The following SETD1B variants were observed in gnomAD, a reference collection of about 807,000 sequenced individuals.
SETD1B encodes the protein histone-lysine N-methyltransferase SETD1B.
Under a neutral mutation model 148.0 loss-of-function variants are expected in SETD1B, and 7 were observed. That is an observed-to-expected ratio of 0.05 (90% confidence interval 0.03 to 0.09). The LOEUF (loss-of-function observed/expected upper bound fraction) is 0.09. Among genes scored for constraint, SETD1B ranks in the 10% least tolerant of loss-of-function variants. SETD1B has a pLI of 1.00. For synonymous variants in SETD1B, 1,361 were observed against 1,186.5 expected, an observed-to-expected ratio of 1.15 and a Z score of -3.02; for missense variants, 2,155 against 2,729.9, an observed-to-expected ratio of 0.79 and a Z score of 4.69.
rs374996014 is a variant in SETD1B, at chr12:121,817,539, G to A, written c.3147G>A (p.Ala1049=). Residue 1049 remains alanine (A), a synonymous_variant, in exon 9 of 17, where the codon GCG becomes GCA. Transcript: ENST00000604567. The surrounding 1 kb of genome is among the most constrained non-coding windows in gnomAD (Gnocchi z 8.1). ...ESLSASSSSS[A]SSSSGSSTTS... is the part of the protein sequence containing the mutation. ...TGTCGGCGTCCTCGTCCTCATCCGC[G>A]TCATCATCCTCGGGGTCCTCAACCA... The A allele has an allele frequency of 4.2e-4, 655 of 1,551,442 alleles. No homozygotes were observed. Among genetic ancestry groups the A allele is most frequent in the Non-Finnish European group, 5.2e-4 (597 of 1,146,950 alleles).
Position 121,810,271 on chromosome 12 carries a change from T to C in SETD1B, c.1326T>C (p.Pro442=). The change falls in exon 6 of 17, where the codon CCT becomes CCC. Residue 442 remains proline, a synonymous_variant. Coordinates refer to ENST00000604567, the MANE Select transcript of SETD1B (RefSeq NM_001353345.2). The surrounding 1 kb of genome is among the most constrained non-coding windows in gnomAD (Gnocchi z 7.6). ...PAPPPLPPAE[P]LAKEKPGTPP... ...CCCCACCCCTGCCACCTGCTGAGCC[T>C]CTGGCCAAGGAGAAGCCAGGCACGC... 6.5e-7 allele frequency: 1 copy of C among 1,544,240 alleles called. No individual in the cohort carries two copies. Among genetic ancestry groups the C allele is most frequent in the Non-Finnish European group, 8.7e-7 (1 of 1,146,654 alleles).
At position 121,814,159 on chromosome 12, in the gene SETD1B, G is replaced by A. The variant is rs567239148; in HGVS notation, c.1944G>A (p.Ser648=). The change falls in exon 7 of 17, where the codon TCG becomes TCA. Residue 648 remains serine, a synonymous_variant. Coordinates refer to ENST00000604567, the MANE Select transcript of SETD1B (RefSeq NM_001353345.2). ...DMEISDDEMP[S]APITSADCPK... Reference sequence around the variant, plus strand: ...AGATCTCGGATGACGAGATGCCCTCGGCCCCCATCACCAGCGCTGACTGCC... The same window carrying A: ...AGATCTCGGATGACGAGATGCCCTCAGCCCCCATCACCAGCGCTGACTGCC... The A allele has an allele frequency of 1.7e-5, 27 of 1,547,976 alleles. No homozygotes were observed. In the African/African-American group the frequency reaches 3.2e-4, roughly 18 times the overall value.
At chr12:121,815,377 A>G (rs1287322599) in intron 7 of SETD1B, among the ~76,000 whole-genome samples, 2 of 146,988 alleles carry the variant, frequency 1.4e-5, no homozygotes, top group Non-Finnish European at 3.0e-5. Flanking sequence ...GTGGTAGTAC[A>G]CAGGATAGCT....
In SETD1B at chr12:121,817,631, C is replaced by A. The variant is rs767661750; in HGVS notation, c.3239C>A (p.Ala1080Glu). 9.0e-6 allele frequency: 14 copies of A among 1,548,484 alleles called. No individual in the cohort carries two copies. The highest frequency in any genetic ancestry group is 6.0e-5 in the South Asian group (5 of 83,932). Residue 1080 changes from alanine (A) to glutamate (E), a missense_variant, in exon 9 of 17, where the codon GCG becomes GAG. Ala to Glu is a moderately radical substitution (Grantham distance 107). Transcript: ENST00000604567. The surrounding 1 kb of genome is among the most constrained non-coding windows in gnomAD (Gnocchi z 8.1). Reference protein sequence around the residue: ...EQESTEEEEEAEEEEEEEVPR... With the variant: ...EQESTEEEEEEEEEEEEEVPR... ...GAGAGCACCGAGGAGGAAGAGGAGG[C>A]GGAGGAGGAGGAGGAGGAGGAAGTC...
Position 121,830,373 on chromosome 12 carries a change from G to T in SETD1B, c.*134G>T, listed in dbSNP as rs1488044070. On this transcript the variant is annotated 3_prime_UTR_variant, in exon 17 of 17. Transcript: ENST00000604567. The surrounding 1 kb of genome is among the most constrained non-coding windows in gnomAD (Gnocchi z 5.7). ...GTCCTCTACCCAGCGGCCATTCAGG[G>T]CCTGGCGCCCCACACTACCCCCTGG... The T allele has an allele frequency of 2.4e-6, 2 of 835,884 alleles. No homozygotes were observed. The highest frequency in any genetic ancestry group is 1.7e-5 in the African/African-American group (1 of 57,716). The allele number at this position is 835,884 out of a possible 1,614,324, so 51.8% of individuals were successfully genotyped here.
At chr12:121,825,647 G>GT (rs370480791) in intron 13 of SETD1B, among the ~76,000 whole-genome samples, 64 of 147,510 alleles carry the variant, frequency 4.3e-4, no homozygotes, top group East Asian at 2.2e-3. Flanking sequence ...TTTTGCTTGG[G>GT]TTTTTTTTTT....
chr12:121,793,379 GCC>G, the SETD1B span: 3 of 1,447,660 alleles, frequency 2.1e-6, no homozygotes, highest in Non-Finnish European at 2.8e-6. Flanking sequence ...CCGAGGGGGC[GCC>G]CCGGGGTGGC....
chr12:121,802,049 C>G (rs957137562), upstream of SETD1B: 1 of 152,192 alleles, frequency 6.6e-6, no homozygotes, highest in Non-Finnish European at 1.5e-5. Flanking sequence ...CCAGCTCCCC[C>G]CAACCCCCAA....
rs531806213 is a variant in SETD1B at position 121,828,216 on chromosome 12, G to A, written c.5727+146G>A. ...TGGCCAAGGGTTATAGGGAGAGGAG[G>A]ACATGTGAGGTCTTTTACCAGGAGC... is the stretch of plus-strand genomic sequence containing the variant. On this transcript the variant is annotated intron_variant, in intron 16 of 16. Coordinates refer to ENST00000604567, the MANE Select transcript of SETD1B (RefSeq NM_001353345.2). 136 of 1,030,236 alleles carry A rather than the reference G, an allele frequency of 1.3e-4. No homozygotes were observed. In the African/African-American group the frequency reaches 1.9e-3, roughly 15 times the overall value. The allele number at this position is 1,030,236 out of a possible 1,614,324, so 63.8% of individuals were successfully genotyped here.
In SETD1B at chr12:121,808,839, A is replaced by G. The variant is rs924570228; in HGVS notation, c.657+519A>G. ...GCTCCTCCCTGGCATCAGGCTGACT[A>G]GCTGCCACTGGCCTGTTCATCACTT... On this transcript the variant is annotated intron_variant, in intron 5 of 16. Transcript: ENST00000604567. This position sits in a 1 kb window ranked among gnomAD's most constrained non-coding sequence, Gnocchi z 5.3. Among the ~76,000 whole-genome samples the G allele has an allele frequency of 4.6e-5, 7 of 152,172 alleles. No homozygotes were observed. Among genetic ancestry groups the G allele is most frequent in the African/African-American group, 1.7e-4 (7 of 41,440 alleles).
the SETD1B span, chr12:121,793,746 G>T: frequency 3.1e-6 from 3 of 966,678 alleles, no homozygotes; most frequent in East Asian, 3.2e-5. Context: ...CGCCGCCTCC[G>T]CCAGGCAGCC....
At position 121,825,448 on chromosome 12, in the gene SETD1B, C is replaced by T. The variant is rs562234824; in HGVS notation, c.5337+82C>T. 5.5e-5 allele frequency: 74 copies of T among 1,346,450 alleles called. No individual in the cohort carries two copies. The Middle Eastern group carries it at 9.9e-4, about 18-fold the overall frequency. 83.4% of individuals were successfully genotyped at this position (1,346,450 alleles called of 1,614,324 possible). ...AGGGCACTCATGGAGGGGTGCCAGG[C>T]AGAGGGAGGAGTTGTGAGGCCAGAG... On this transcript the variant is annotated intron_variant, in intron 13 of 16. Transcript: ENST00000604567.
chr12:121,824,099 G>A (rs1406995740), intron 12 of SETD1B, among the ~76,000 whole-genome samples: 1 of 152,188 alleles, frequency 6.6e-6, no homozygotes, highest in East Asian at 1.9e-4. Flanking sequence ...CGGTAGCCTG[G>A]TGAAGATGGG....
chr12:121,797,150 G>A, the SETD1B span: 13 of 290,046 alleles, frequency 4.5e-5, no homozygotes, highest in African/African-American at 2.7e-4. Flanking sequence ...AGATGGTGGT[G>A]CCACCTCACT....
the SETD1B span, chr12:121,795,494 T>A: frequency 1.3e-5 from 2 of 152,066 alleles, no homozygotes; most frequent in African/African-American, 4.8e-5. Context: ...CTCTTCAGGT[T>A]CTGGGGTGGC....
chr12:121,814,195 G>T lies in SETD1B; in HGVS notation c.1980G>T (p.Met660Ile). The T allele has an allele frequency of 6.5e-7, 1 of 1,544,324 alleles. No individual in the cohort carries two copies. ...CCAGCGCTGACTGCCCCAAGCCCAT[G>T]GTGGTGACCCCAGGAGCGGCAGCCG... ...PITSADCPKP[M>I]VVTPGAAAVA... Residue 660 changes from methionine to isoleucine, a missense_variant, in exon 7 of 17, where the codon ATG (methionine) becomes ATT (isoleucine). By Grantham distance (10) the Met-to-Ile change is conservative. Transcript: ENST00000604567.
chr12:121,829,447 T>C (rs1452220584), intron 16 of SETD1B, among the ~76,000 whole-genome samples: 1 of 152,148 alleles, frequency 6.6e-6, no homozygotes, highest in Admixed American at 6.5e-5. Flanking sequence ...CCTGGGTGTG[T>C]GGTGCAGCGG....
Position 121,808,281 on chromosome 12 carries a change from G to A in SETD1B, c.618G>A (p.Glu206=). The A allele has an allele frequency of 6.4e-7, 1 of 1,550,844 alleles. No individual in the cohort carries two copies. The highest frequency in any genetic ancestry group is 8.7e-7 in the Non-Finnish European group (1 of 1,146,656). The change falls in exon 5 of 17, where the codon GAG becomes GAA. Residue 206 remains glutamate, a synonymous_variant. Transcript: ENST00000604567. This position sits in a 1 kb window ranked among gnomAD's most constrained non-coding sequence, Gnocchi z 5.3. ...RYTPQTLPVG[E]LDAVSPIVNE... ...CCCCCCAGACCCTCCCAGTGGGCGA[G>A]CTGGACGCTGTCTCTCCAATCGTGA...
chr12:121,827,175 A>G (rs1202967548), intron 13 of SETD1B, among the ~76,000 whole-genome samples: 2 of 152,040 alleles, frequency 1.3e-5, no homozygotes, highest in Admixed American at 1.3e-4. Flanking sequence ...ACGTGACACA[A>G]GGGTTTCGGA....
Sources: allele counts gnomAD v4.1 joint callset (sites outside exome capture counted in the v4.1 genomes callset), GRCh38; gene constraint gnomAD v4.1.1; non-coding constraint Gnocchi (gnomAD v3.1); transcripts MANE v1.5; gene names NCBI Gene and HGNC (gene_info 2026-07-23, HGNC 2026-07-21).